Variants in PCDH9 observed in about 807,000 individuals in gnomAD.
PCDH9 encodes protocadherin-9.
PCDH9 carries 24 observed loss-of-function variants against 70.6 expected under a neutral mutation model. The ratio of observed to expected loss-of-function variants is 0.34; its 90% CI spans 0.25 to 0.48. The LOEUF is 0.48. Ranked by LOEUF, PCDH9 falls within the 20% of genes least tolerant of loss-of-function variation. The probability of loss-of-function intolerance (pLI) is 0.99; values close to 1 mark genes in which losing one functional copy is unlikely to be tolerated. For synonymous variants in PCDH9, 562 were observed against 558.5 expected, an observed-to-expected ratio of 1.01 and a Z score of -0.09; for missense variants, 1,281 against 1,503.6, an observed-to-expected ratio of 0.85 and a Z score of 2.45.
At chr13:66,558,140 G>A (rs1961822958) in intron 4 of PCDH9, among the ~76,000 whole-genome samples, 1 of 152,164 alleles carries the variant, frequency 6.6e-6, no homozygotes, top group Non-Finnish European at 1.5e-5. Context: ...GAACAACAGA[G>A]CCAGACCCTG....
At chr13:66,601,474 A>G (rs1383447057) in intron 4 of PCDH9, among the ~76,000 whole-genome samples, 1 of 146,358 alleles carries the variant, frequency 6.8e-6, no homozygotes, top group Non-Finnish European at 1.5e-5. Flanking sequence ...TTCACTGAGT[A>G]AATGAAATTG....
intron 3 of PCDH9, among the ~76,000 whole-genome samples, chr13:66,896,152 A>T (rs2082175074): frequency 6.6e-6 from 1 of 152,204 alleles, no homozygotes; most frequent in South Asian, 2.1e-4. Flanking sequence ...TGTGTTTAAT[A>T]AAAAGTTAAA....
At chr13:66,922,174 G>A (rs925103213) in intron 2 of PCDH9, among the ~76,000 whole-genome samples, 34 of 151,174 alleles carry the variant, frequency 2.2e-4, no homozygotes, top group African/African-American at 7.8e-4. Flanking sequence ...GATTGACTGT[G>A]AATTGATTAA....
intron 4 of PCDH9, among the ~76,000 whole-genome samples, chr13:66,440,690 T>A (rs1283235098): frequency 6.6e-6 from 1 of 152,150 alleles, no homozygotes; most frequent in Non-Finnish European, 1.5e-5. Context: ...ACAACCTGAG[T>A]AATAAACCCT....
At position 66,621,319 on chromosome 13, in the gene PCDH9, G is replaced by A. The variant is rs537876932; in HGVS notation, c.3340+9891C>T. ...CTAGCTGGCCTTGAAGAAATAAGTA[G>A]TAATGTTAACAGGTCTACATGGCTA... On this transcript the variant is annotated intron_variant, in intron 4 of 4. Transcript: ENST00000377865. Among the ~76,000 whole-genome samples the A allele has an allele frequency of 3.3e-5, 5 of 152,286 alleles. No individual in the cohort carries two copies. In the East Asian group the frequency reaches 5.8e-4, roughly 18 times the overall value.
chr13:66,770,405 GT>G (rs2079788268), intron 3 of PCDH9, among the ~76,000 whole-genome samples: 1 of 150,704 alleles, frequency 6.6e-6, no homozygotes, highest in African/African-American at 2.4e-5. Context: ...GCATCTGTAG[GT>G]TTTAGTAGTA....
At chr13:66,622,334 G>A (rs1288251464) in intron 4 of PCDH9, among the ~76,000 whole-genome samples, 1 of 152,208 alleles carries the variant, frequency 6.6e-6, no homozygotes, top group Non-Finnish European at 1.5e-5. Flanking sequence ...AGGAGTACAG[G>A]CCCACAGCGT....
intron 2 of PCDH9, among the ~76,000 whole-genome samples, chr13:67,129,952 T>C (rs2087070987): frequency 6.6e-6 from 1 of 152,056 alleles, no homozygotes; most frequent in Non-Finnish European, 1.5e-5. Context: ...AGCATGAGAG[T>C]TAGACTTGGG....
intron 4 of PCDH9, among the ~76,000 whole-genome samples, chr13:66,607,511 T>C (rs2077236227): frequency 6.6e-6 from 1 of 151,976 alleles, no homozygotes; most frequent in Non-Finnish European, 1.5e-5. Context: ...AAAGGCAAAA[T>C]AAAGCCTTCT....
In PCDH9 at chr13:66,911,492, C is replaced by A. The variant is rs190994755; in HGVS notation, c.3037-7887G>T. On this transcript the variant is annotated intron_variant, in intron 2 of 4. Coordinates refer to ENST00000377865, the MANE Select transcript of PCDH9 (RefSeq NM_203487.3). ...ATCACAAATCGTAGCTGCTTCTGTGCACATTATGTCACTTTTTCTTTAAAT... is the reference window on the plus strand; with the variant it reads ...ATCACAAATCGTAGCTGCTTCTGTGAACATTATGTCACTTTTTCTTTAAAT... Among the ~76,000 whole-genome samples the A allele has an allele frequency of 2.4e-3, 368 of 152,274 alleles. 6 individuals are homozygous for A. The highest frequency in any genetic ancestry group is 8.3e-3 in the African/African-American group (345 of 41,548).
chr13:66,434,391 T>C (rs769537605), intron 4 of PCDH9, among the ~76,000 whole-genome samples: 73 of 152,004 alleles, frequency 4.8e-4, no homozygotes, highest in Non-Finnish European at 9.7e-4. Flanking sequence ...GAATTGTCCA[T>C]TAAACTTAAT....
At chr13:66,834,690 T>G (rs1429487861) in intron 3 of PCDH9, among the ~76,000 whole-genome samples, 1 of 152,184 alleles carries the variant, frequency 6.6e-6, no homozygotes, top group Non-Finnish European at 1.5e-5. Context: ...AATTAACCTT[T>G]CTGGTTGTGT....
chr13:66,372,101 G>A (rs1956665372), intron 4 of PCDH9, among the ~76,000 whole-genome samples: 2 of 151,810 alleles, frequency 1.3e-5, no homozygotes, highest in African/African-American at 2.4e-5. Context: ...ATTGCTAATT[G>A]TGTGCAGAGT....
chr13:66,683,056 T>C (rs1029369252), intron 3 of PCDH9, among the ~76,000 whole-genome samples: 2 of 152,162 alleles, frequency 1.3e-5, no homozygotes, highest in Non-Finnish European at 2.9e-5. Context: ...ACCACTGACT[T>C]GTTAAGTCTA....
chr13:66,350,326 A>G (rs937343441), intron 4 of PCDH9, among the ~76,000 whole-genome samples: 2 of 152,170 alleles, frequency 1.3e-5, no homozygotes, highest in Non-Finnish European at 2.9e-5. Flanking sequence ...TCTCTCTGTA[A>G]CACAGCCCTT....
Position 67,225,509 on chromosome 13 carries a change from C to T in PCDH9, c.2932G>A (p.Asp978Asn), listed in dbSNP as rs755751696. The T allele has an allele frequency of 6.2e-7, 1 of 1,613,872 alleles. No individual in the cohort carries two copies. The highest frequency in any genetic ancestry group is 1.1e-5 in the South Asian group (1 of 91,066). The stretch of plus-strand genomic sequence containing the variant: ...GTGGAAGAGCGTTTAGAAAGGGTGT[C>T]ACAACCCCCAACAAAGGTGTTGTCC... ...PLDNTFVGGC[D>N]TLSKRSSTSS... Residue 978 changes from aspartate (D) to asparagine (N), a missense_variant, in exon 2 of 5, where the codon GAC becomes AAC. By Grantham distance (23) the Asp-to-Asn change is conservative (BLOSUM62 1). Coordinates refer to ENST00000377865, the MANE Select transcript of PCDH9 (RefSeq NM_203487.3).
chr13:66,592,377 C>T (rs1014764525), intron 4 of PCDH9, among the ~76,000 whole-genome samples: 1 of 151,610 alleles, frequency 6.6e-6, no homozygotes, highest in Non-Finnish European at 1.5e-5. Context: ...TTCATGCTTT[C>T]CTGCCTCAAT....
chr13:66,953,469 A>T lies in PCDH9; in HGVS notation c.3037-49864T>A, dbSNP rs74093682. On this transcript the variant is annotated intron_variant, in intron 2 of 4. Transcript: ENST00000377865. ...GGTTAGTCATTGCAATATTTGTTTTATATTTTGTATGCATGTACACATAAA... is the reference window on the plus strand; with the variant it reads ...GGTTAGTCATTGCAATATTTGTTTTTTATTTTGTATGCATGTACACATAAA... 5.8e-3 allele frequency among the ~76,000 whole-genome samples: 879 copies of T among 152,338 alleles called. 8 individuals carry two copies. Among genetic ancestry groups the T allele is most frequent in the African/African-American group, 0.02 (841 of 41,578 alleles).
chr13:66,346,003 A>G (rs916424248), intron 4 of PCDH9, among the ~76,000 whole-genome samples: 1 of 152,092 alleles, frequency 6.6e-6, no homozygotes, highest in African/African-American at 2.4e-5. Flanking sequence ...AAATTAGTGT[A>G]CTCTTTTCCT....
Sources: gnomAD v4.1 joint callset for allele counts (sites outside exome capture counted in the v4.1 genomes callset) on GRCh38, gnomAD v4.1.1 for gene constraint, MANE v1.5 for transcripts, NCBI Gene and HGNC (gene_info 2026-07-23, HGNC 2026-07-21) for gene names.